The following PPM1B variants were observed in gnomAD, a reference collection of about 807,000 sequenced individuals.
PPM1B encodes the protein protein phosphatase 1B.
PPM1B carries 22 observed loss-of-function variants against 43.0 expected under a neutral mutation model. The ratio of observed to expected loss-of-function variants is 0.51; its 90% confidence interval spans 0.37 to 0.73. The LOEUF (loss-of-function observed/expected upper bound fraction) is 0.73. Among genes scored for constraint, PPM1B ranks in the 30% least tolerant of loss-of-function variants. PPM1B has a pLI of 0.00. For missense variants in PPM1B, 632 were observed against 584.2 expected, an observed-to-expected ratio of 1.08 and a Z score of -0.84; for synonymous variants, 217 against 197.9, an observed-to-expected ratio of 1.10 and a Z score of -0.81.
At chr2:44,188,723 C>T (rs1009467357) in intron 1 of PPM1B, among the ~76,000 whole-genome samples, 4 of 142,256 alleles carry the variant, frequency 2.8e-5, no homozygotes, top group African/African-American at 1.0e-4. Context: ...GCTTTCCTTC[C>T]TTCCTTCCTT....
At chr2:44,246,450 T>A (rs1670855044), downstream of PPM1B, among the ~76,000 whole-genome samples, 1 of 152,160 alleles carries the variant, frequency 6.6e-6, no homozygotes, top group African/African-American at 2.4e-5. Flanking sequence ...ACTCCAAAAT[T>A]TCATACATAA....
rs184339867 is a variant in PPM1B at position 44,204,316 on chromosome 2, T to A, written c.846+2271T>A. On this transcript the variant is annotated intron_variant, in intron 2 of 5. Coordinates refer to ENST00000282412, the MANE Select transcript of PPM1B (RefSeq NM_002706.6). Reference sequence around the variant, plus strand: ...TTACTTTGAATTTACTCAGAAAAATTGTAAGTTAAAAATTCATGGAAAGCA... The same window carrying A: ...TTACTTTGAATTTACTCAGAAAAATAGTAAGTTAAAAATTCATGGAAAGCA... Among the ~76,000 whole-genome samples, 409 of 152,304 alleles carry A rather than the reference T, an allele frequency of 2.7e-3. 3 individuals are homozygous for A. The highest frequency in any genetic ancestry group is 9.3e-3 in the African/African-American group (386 of 41,568).
chr2:44,172,544 C>T (rs377354675), intron 1 of PPM1B, among the ~76,000 whole-genome samples: 1 of 152,312 alleles, frequency 6.6e-6, no homozygotes, highest in East Asian at 1.9e-4. Context: ...TTGGTGTTTA[C>T]TTACATCAAT....
chr2:44,227,353 GT>G (rs1181559565), intron 5 of PPM1B, among the ~76,000 whole-genome samples: 1 of 152,094 alleles, frequency 6.6e-6, no homozygotes, highest in African/African-American at 2.4e-5. Context: ...TATGCTTGTT[GT>G]GGAAAATTGG....
At chr2:44,178,789 A>T (rs1031844088) in intron 1 of PPM1B, among the ~76,000 whole-genome samples, 1 of 152,048 alleles carries the variant, frequency 6.6e-6, no homozygotes, top group Admixed American at 6.6e-5. Context: ...TGTTGTTTTA[A>T]TTTAGTGCTG....
At chr2:44,204,514 G>T (rs189472124) in intron 2 of PPM1B, among the ~76,000 whole-genome samples, 1 of 152,108 alleles carries the variant, frequency 6.6e-6, no homozygotes, top group East Asian at 1.9e-4. Flanking sequence ...ATCTTGGGAG[G>T]TTATCATAAT....
intron 1 of PPM1B, among the ~76,000 whole-genome samples, chr2:44,170,768 T>C (rs17425541): frequency 0.059 from 8,930 of 152,334 alleles, 362 homozygotes; most frequent in Non-Finnish European, 0.091. Context: ...ACAGGCCTTT[T>C]AAAAATATAG....
At chr2:44,193,738 C>T (rs968682743) in intron 1 of PPM1B, among the ~76,000 whole-genome samples, 1 of 152,002 alleles carries the variant, frequency 6.6e-6, no homozygotes, top group African/African-American at 2.4e-5. Context: ...GCCACCATGC[C>T]CGGCTAATTT....
rs762270626 is a variant in PPM1B, at chr2:44,201,606, G to A, written c.407G>A (p.Gly136Glu). 1.2e-6 allele frequency: 2 copies of A among 1,614,204 alleles called. No homozygotes were observed. Among genetic ancestry groups the A allele is most frequent in the Non-Finnish European group, 1.7e-6 (2 of 1,180,038 alleles). Residue 136 changes from glycine to glutamate, a missense_variant, in exon 2 of 6, where the codon GGA (glycine) becomes GAA (glutamate). Coordinates refer to ENST00000282412, the MANE Select transcript of PPM1B (RefSeq NM_002706.6). This position sits in a 1 kb window ranked among gnomAD's most constrained non-coding sequence, Gnocchi z 5.4. ...GMDRSGSTAV[G>E]VMISPKHIYF... Reference sequence around the variant, plus strand: ...GACAGGAGTGGTTCAACTGCAGTGGGAGTTATGATTTCACCTAAGCATATC... The same window carrying A: ...GACAGGAGTGGTTCAACTGCAGTGGAAGTTATGATTTCACCTAAGCATATC...
chr2:44,239,786 G>C (rs563858467), intron 5 of PPM1B, among the ~76,000 whole-genome samples: 2 of 152,192 alleles, frequency 1.3e-5, no homozygotes, highest in South Asian at 4.1e-4. Flanking sequence ...TTTCCATCCA[G>C]CTAGCTAATT....
intron 1 of PPM1B, among the ~76,000 whole-genome samples, chr2:44,198,581 G>A (rs1245267596): frequency 6.6e-6 from 1 of 152,172 alleles, no homozygotes; most frequent in East Asian, 1.9e-4. Flanking sequence ...GCCTACCACA[G>A]AACAGGCACT....
chr2:44,241,276 T>A (rs1670739536), intron 5 of PPM1B, among the ~76,000 whole-genome samples: 1 of 143,608 alleles, frequency 7.0e-6, no homozygotes, highest in African/African-American at 2.5e-5. Context: ...GTGCTGGGAT[T>A]ACAGGTGTGA....
chr2:44,204,786 G>T (rs773341597), intron 2 of PPM1B, among the ~76,000 whole-genome samples: 14 of 146,864 alleles, frequency 9.5e-5, no homozygotes, highest in Admixed American at 2.8e-4. Flanking sequence ...TTGAACCCGG[G>T]AGGCAGAGCT....
intron 5 of PPM1B, among the ~76,000 whole-genome samples, chr2:44,222,252 C>T (rs933215122): frequency 7.9e-5 from 12 of 151,928 alleles, no homozygotes; most frequent in African/African-American, 2.7e-4. Flanking sequence ...TCCTGGCATA[C>T]GGTGAAAGCT....
chr2:44,220,825 A>G (rs1669946922), intron 5 of PPM1B, among the ~76,000 whole-genome samples: 1 of 152,204 alleles, frequency 6.6e-6, no homozygotes, highest in South Asian at 2.1e-4. Context: ...AAAAGATAGT[A>G]TTTGAAGAAT....
At chr2:44,169,550 A>G (rs77879638) in intron 1 of PPM1B, among the ~76,000 whole-genome samples, 57 of 152,354 alleles carry the variant, frequency 3.7e-4, no homozygotes, top group African/African-American at 1.4e-3. Flanking sequence ...AACGCCTGGA[A>G]GCTGACTGAT....
intron 1 of PPM1B, among the ~76,000 whole-genome samples, chr2:44,185,610 C>A (rs945899771): frequency 6.6e-6 from 1 of 152,100 alleles, no homozygotes; most frequent in Non-Finnish European, 1.5e-5. Flanking sequence ...CTAAATTATT[C>A]TTGTATCTGG....
rs971245178 is a variant in PPM1B, at chr2:44,202,165, A to G, written c.846+120A>G. 5 of 1,004,758 alleles carry G rather than the reference A, an allele frequency of 5.0e-6. No individual in the cohort carries two copies. In the African/African-American group the frequency reaches 8.3e-5, roughly 17 times the overall value. The allele number at this position is 1,004,758 out of a possible 1,614,324, so 62.2% of individuals were successfully genotyped here. On this transcript the variant is annotated intron_variant, in intron 2 of 5. Coordinates refer to ENST00000282412, the MANE Select transcript of PPM1B (RefSeq NM_002706.6). The stretch of plus-strand genomic sequence containing the variant: ...ATTTTCACAGAAGCTGTATATTTTG[A>G]AGTACTTTACCAGAAATGAAACCAT...
intron 1 of PPM1B, among the ~76,000 whole-genome samples, chr2:44,200,541 A>G (rs1254516379): frequency 6.6e-6 from 1 of 152,190 alleles, no homozygotes; most frequent in Non-Finnish European, 1.5e-5. Context: ...AACAGAATCA[A>G]AGTAATGATA....
Sources: allele counts gnomAD v4.1 joint callset (sites outside exome capture counted in the v4.1 genomes callset), GRCh38; gene constraint gnomAD v4.1.1; non-coding constraint Gnocchi (gnomAD v3.1); transcripts MANE v1.5; gene names NCBI Gene and HGNC (gene_info 2026-07-23, HGNC 2026-07-21).